Variants in GRID1 observed in about 807,000 individuals in gnomAD.
GRID1 encodes the protein glutamate receptor ionotropic, delta-1.
A neutral mutation model predicts 98.0 loss-of-function variants in GRID1; 28 were observed. That is an observed-to-expected ratio of 0.29 (90% CI 0.21 to 0.39). The LOEUF (loss-of-function observed/expected upper bound fraction) is 0.39, where lower values mean the gene tolerates loss of function less well. Ranked by LOEUF, GRID1 falls within the 10% of genes least tolerant of loss-of-function variation. The pLI, the probability that GRID1 is intolerant of heterozygous loss-of-function variation, is 1.00. For synonymous variants in GRID1, 553 were observed against 538.5 expected (o/e 1.03, Z -0.37); for missense variants, 1,111 against 1,340.5 (o/e 0.83, Z 2.67).
At chr10:85,805,279 A>G (rs938577582) in intron 8 of GRID1, among the ~76,000 whole-genome samples, 3 of 151,782 alleles carry the variant, frequency 2.0e-5, no homozygotes, top group African/African-American at 7.2e-5. Flanking sequence ...CATAAACTAC[A>G]TAATACTAAA....
At position 86,290,180 on chromosome 10, in the gene GRID1, T is replaced by A. The variant is rs552034701; in HGVS notation, c.235+73761A>T. ...CCTGATTAATACATCTCCTCATGCC[T>A]GCAAAAATAAGTGGACTCAATTATA... is the stretch of plus-strand genomic sequence containing the variant. On this transcript the variant is annotated intron_variant, in intron 2 of 15. Transcript: ENST00000327946. 5.3e-5 allele frequency among the ~76,000 whole-genome samples: 8 copies of A among 152,322 alleles called. No homozygotes were observed. In the South Asian group the frequency reaches 1.7e-3, roughly 32 times the overall value.
At chr10:86,319,035 G>GT (rs1290880928) in intron 2 of GRID1, among the ~76,000 whole-genome samples, 1 of 152,150 alleles carries the variant, frequency 6.6e-6, no homozygotes, top group Non-Finnish European at 1.5e-5. Flanking sequence ...CCATTTGAAT[G>GT]TCCCAGAAAG....
intron 8 of GRID1, among the ~76,000 whole-genome samples, chr10:85,825,648 A>T (rs575449115): frequency 6.6e-6 from 1 of 152,344 alleles, no homozygotes; most frequent in South Asian, 2.1e-4. Context: ...TCTCTAGGGA[A>T]TTCACTAAAG....
chr10:86,007,822 TTTTATTTA>T (rs56067622), intron 4 of GRID1, among the ~76,000 whole-genome samples: 31 of 148,748 alleles, frequency 2.1e-4, no homozygotes, highest in African/African-American at 7.0e-4. Flanking sequence ...TTTTGTGTTT[TTTTATTTA>T]TTTATTTATT....
chr10:85,694,200 A>C (rs1412501480), intron 12 of GRID1, among the ~76,000 whole-genome samples: 1 of 152,146 alleles, frequency 6.6e-6, no homozygotes, highest in African/African-American at 2.4e-5. Context: ...TTATCAGAGA[A>C]ATGTAAATTA....
chr10:85,924,583 G>C (rs1841749681), intron 4 of GRID1, among the ~76,000 whole-genome samples: 1 of 152,188 alleles, frequency 6.6e-6, no homozygotes, highest in Admixed American at 6.5e-5. Context: ...TTCTGGACTA[G>C]TTTGGTCAAT....
chr10:85,969,899 CAA>C (rs1333035877), intron 4 of GRID1, among the ~76,000 whole-genome samples: 2 of 150,010 alleles, frequency 1.3e-5, no homozygotes, highest in Non-Finnish European at 1.5e-5. Context: ...AATCAATAAG[CAA>C]AGAGTTGATT....
chr10:85,776,317 A>G (rs979349742), intron 8 of GRID1, among the ~76,000 whole-genome samples: 5 of 152,250 alleles, frequency 3.3e-5, no homozygotes, highest in African/African-American at 1.2e-4. Context: ...TATAAGGGAC[A>G]GAAGTGAGGC....
chr10:86,198,823 C>A (rs2132013738), intron 3 of GRID1, among the ~76,000 whole-genome samples: 1 of 152,298 alleles, frequency 6.6e-6, no homozygotes, highest in African/African-American at 2.4e-5. Context: ...CCCACACGCA[C>A]TGCCATGAGG....
intron 4 of GRID1, among the ~76,000 whole-genome samples, chr10:86,009,680 T>G (rs748209471): frequency 6.6e-6 from 1 of 152,236 alleles, no homozygotes; most frequent in Non-Finnish European, 1.5e-5. Flanking sequence ...ACTGTTTATG[T>G]TCTTTCCCTG....
intron 4 of GRID1, among the ~76,000 whole-genome samples, chr10:85,998,422 A>G (rs1329239332): frequency 6.6e-6 from 1 of 152,206 alleles, no homozygotes; most frequent in Non-Finnish European, 1.5e-5. Context: ...AAATTAGAAA[A>G]TATTTTGAAT....
intron 3 of GRID1, among the ~76,000 whole-genome samples, chr10:86,201,082 A>G (rs2132015165): frequency 6.6e-6 from 1 of 152,308 alleles, no homozygotes; most frequent in South Asian, 2.1e-4. Flanking sequence ...GACCCTGAAA[A>G]GCTCTTGCAC....
At position 85,856,086 on chromosome 10, in the gene GRID1, T is replaced by C. The variant is rs765713657; in HGVS notation, c.1056A>G (p.Ile352Met). 7 of 1,614,150 alleles carry C rather than the reference T, an allele frequency of 4.3e-6. No homozygotes were observed. Among genetic ancestry groups the C allele is most frequent in the South Asian group, 1.1e-5 (1 of 91,082 alleles). ...KWHSMASLNC[I>M]RKSTKPWNGG... is the part of the protein sequence containing the mutation. ...CATTCCATGGCTTAGTGGATTTCCGTATGCAGTTGAGGCTCGCCATGCTAT... is the reference window on the plus strand; with the variant it reads ...CATTCCATGGCTTAGTGGATTTCCGCATGCAGTTGAGGCTCGCCATGCTAT... Residue 352 changes from isoleucine to methionine, a missense_variant, in exon 7 of 16, where the codon ATA (isoleucine) becomes ATG (methionine). Physicochemically the swap from Ile to Met is conservative, Grantham distance 10. This residue lies in a region of GRID1 where 762 missense variants were observed against 869.1 expected (regional missense o/e 0.88). Transcript: ENST00000327946.
chr10:85,864,156 C>T (rs1165108013), intron 6 of GRID1, among the ~76,000 whole-genome samples: 1 of 152,148 alleles, frequency 6.6e-6, no homozygotes, highest in East Asian at 1.9e-4. Context: ...TGTGGTTGGC[C>T]GGCAAAGTTA....
intron 8 of GRID1, among the ~76,000 whole-genome samples, chr10:85,824,002 A>C (rs879407855): frequency 6.6e-6 from 1 of 152,216 alleles, no homozygotes; most frequent in Non-Finnish European, 1.5e-5. Context: ...GATCCCAGAG[A>C]AAAGTAGAAA....
At position 85,916,249 on chromosome 10, in the gene GRID1, G is replaced by C. The variant is rs1445951562; in HGVS notation, c.727-10C>G. 2 of 1,607,418 alleles carry C rather than the reference G, an allele frequency of 1.2e-6. No homozygotes were observed. Among genetic ancestry groups the C allele is most frequent in the South Asian group, 1.1e-5 (1 of 90,936 alleles). On this transcript the variant is annotated splice_polypyrimidine_tract_variant and intron_variant, in intron 4 of 15. Coordinates refer to ENST00000327946, the MANE Select transcript of GRID1 (RefSeq NM_017551.3). The surrounding 1 kb of genome is among the most constrained non-coding windows in gnomAD (Gnocchi z 4.0). The stretch of plus-strand genomic sequence containing the variant: ...GGTTGGTCTCCACGGCCTGCAGAGA[G>C]AAAAAGAACGAACATGAACAGAAGC...
chr10:85,823,293 C>T (rs1842789915), intron 8 of GRID1, among the ~76,000 whole-genome samples: 1 of 151,946 alleles, frequency 6.6e-6, no homozygotes, highest in Non-Finnish European at 1.5e-5. Flanking sequence ...GAAATGGGTG[C>T]ATTGTGATTT....
chr10:85,761,048 C>A (rs917153145), intron 8 of GRID1, among the ~76,000 whole-genome samples: 4 of 152,170 alleles, frequency 2.6e-5, no homozygotes, highest in Admixed American at 2.0e-4. Flanking sequence ...TTGATGAATT[C>A]TTGGCCAGCT....
chr10:86,309,737 A>G (rs916154071), intron 2 of GRID1, among the ~76,000 whole-genome samples: 1 of 152,202 alleles, frequency 6.6e-6, no homozygotes, highest in African/African-American at 2.4e-5. Flanking sequence ...GGAACGTCCA[A>G]TAAGTAGAAT....
Sources: allele counts gnomAD v4.1 joint callset (sites outside exome capture counted in the v4.1 genomes callset), GRCh38; gene constraint gnomAD v4.1.1; regional missense constraint gnomAD v4.1.1; non-coding constraint Gnocchi (gnomAD v3.1); transcripts MANE v1.5; gene names NCBI Gene and HGNC (gene_info 2026-07-23, HGNC 2026-07-21).